Variants in ACER1 observed in about 807,000 individuals in gnomAD.
ACER1 encodes the protein CTB-180A7.3.
Under a neutral mutation model 24.9 loss-of-function variants are expected in ACER1, and 28 were observed. The ratio of observed to expected loss-of-function variants is 1.13; its 90% confidence interval spans 0.83 to 1.54. The LOEUF (loss-of-function observed/expected upper bound fraction) is 1.54. Ranked by LOEUF, ACER1 falls within the 40% of genes most tolerant of loss-of-function variation. The pLI is 0.00. For missense variants in ACER1, 352 were observed against 349.3 expected, an observed-to-expected ratio of 1.01 and a Z score of -0.06; for synonymous variants, 132 against 131.4, an observed-to-expected ratio of 1.00 and a Z score of -0.03.
intron 1 of ACER1, among the ~76,000 whole-genome samples, chr19:6,316,958 C>A (rs1265335651): frequency 6.6e-6 from 1 of 150,450 alleles, no homozygotes; most frequent in East Asian, 1.9e-4. Flanking sequence ...AAGTCTCTTT[C>A]CCTCCCCATC....
the ACER1 span, among the ~76,000 whole-genome samples, chr19:6,354,019 T>C: frequency 2.0e-5 from 3 of 151,020 alleles, no homozygotes; most frequent in African/African-American, 7.3e-5. Flanking sequence ...CCATCTCTAC[T>C]AAAAATACAA....
the ACER1 span, among the ~76,000 whole-genome samples, chr19:6,347,131 T>TATAAAA: frequency 2.2e-5 from 3 of 134,538 alleles, no homozygotes; most frequent in South Asian, 2.4e-4. Context: ...TATATATATA[T>TATAAAA]AAAATAATAA....
chr19:6,355,207 C>T, the ACER1 span, among the ~76,000 whole-genome samples: 1 of 152,042 alleles, frequency 6.6e-6, no homozygotes, highest in South Asian at 2.1e-4. Context: ...CCTTGGCCTC[C>T]CAAAGTGCCG....
the ACER1 span, among the ~76,000 whole-genome samples, chr19:6,346,997 C>A: frequency 1.3e-5 from 2 of 149,988 alleles, no homozygotes; most frequent in African/African-American, 4.9e-5. Context: ...CATGGTGACT[C>A]ACATCTATAA....
At chr19:6,316,202 G>A (rs148536015) in intron 1 of ACER1, among the ~76,000 whole-genome samples, 46 of 152,312 alleles carry the variant, frequency 3.0e-4, no homozygotes, top group Non-Finnish European at 5.1e-4. Context: ...GGGAGGCTGA[G>A]GCAGGAGAAT....
In ACER1 at chr19:6,328,875, G is replaced by A. The variant is rs369763805; in HGVS notation, c.93+4584C>T. Among the ~76,000 whole-genome samples the A allele has an allele frequency of 7.9e-5, 12 of 151,200 alleles. No individual in the cohort carries two copies. The East Asian group carries it at 1.7e-3, about 22-fold the overall frequency. Reference sequence around the variant, plus strand: ...ATTTTGATAGAGATGGGGTTTCATCGTGTTTTCCAGGCTGGTCTTGAACTC... The same window carrying A: ...ATTTTGATAGAGATGGGGTTTCATCATGTTTTCCAGGCTGGTCTTGAACTC... On this transcript the variant is annotated intron_variant, in intron 1 of 5. Coordinates refer to ENST00000301452, the MANE Select transcript of ACER1 (RefSeq NM_133492.3).
chr19:6,348,179 A>G, the ACER1 span, among the ~76,000 whole-genome samples: 1 of 151,626 alleles, frequency 6.6e-6, no homozygotes. Flanking sequence ...GATAAAGAAG[A>G]ACAGGCTGGG....
In ACER1 at chr19:6,312,166, G is replaced by A. The variant is rs931632066; in HGVS notation, c.333C>T (p.Ser111=). 8 of 1,613,626 alleles carry A rather than the reference G, an allele frequency of 5.0e-6. No homozygotes were observed. The highest frequency in any genetic ancestry group is 3.3e-5 in the Admixed American group (2 of 59,994). Residue 111 remains serine (S), a synonymous_variant, in exon 3 of 6, where the codon TCC becomes TCT. Transcript: ENST00000301452. The part of the protein sequence containing the change: ...SIWMPRCYFP[S]FLGGNRSQFI... The stretch of plus-strand genomic sequence containing the variant: ...TGACCCACCTGTTCCCCCCAAGGAA[G>A]GAGGGGAAATAGCAGCGGGGCATCC...
the ACER1 span, among the ~76,000 whole-genome samples, chr19:6,356,467 A>AT: frequency 7.0e-3 from 1,053 of 149,846 alleles, 13 homozygotes; most frequent in African/African-American, 0.024. Flanking sequence ...AGAATGATCA[A>AT]TAAAAAAATA....
At chr19:6,321,655 C>G (rs891837123) in intron 1 of ACER1, among the ~76,000 whole-genome samples, 7 of 151,918 alleles carry the variant, frequency 4.6e-5, no homozygotes, top group Admixed American at 1.3e-4. Flanking sequence ...GTTGCCCAGG[C>G]TGGGGTTCAG....
rs772814004 is a variant in ACER1 at position 6,312,309 on chromosome 19, G to T, written c.209-19C>A. On this transcript the variant is annotated intron_variant, in intron 2 of 5. Coordinates refer to ENST00000301452, the MANE Select transcript of ACER1 (RefSeq NM_133492.3). Reference sequence around the variant, plus strand: ...AACAGGCCTGCAGCGGCAAGGGCAGGCGGTCAGTGGGGTCCGCCACCTCCT... The same window carrying T: ...AACAGGCCTGCAGCGGCAAGGGCAGTCGGTCAGTGGGGTCCGCCACCTCCT... 5 of 1,613,810 alleles carry T rather than the reference G, an allele frequency of 3.1e-6. No individual in the cohort carries two copies. In the Admixed American group the frequency reaches 6.7e-5, roughly 22 times the overall value.
chr19:6,340,347 GGAAGGAAGGAAGGAAGGAAGGA>G, the ACER1 span, among the ~76,000 whole-genome samples: 1 of 138,432 alleles, frequency 7.2e-6, no homozygotes, highest in East Asian at 2.2e-4. Context: ...AAGGAAGGAA[GGAAGGAAGGAAGGAAGGAAGGA>G]AGGAAGAAAA....
chr19:6,329,963 C>G (rs114898777), intron 1 of ACER1, among the ~76,000 whole-genome samples: 1 of 150,752 alleles, frequency 6.6e-6, no homozygotes, highest in South Asian at 2.1e-4. Context: ...TTCCACCTAC[C>G]GGGTTCACAT....
chr19:6,312,282 A>C lies in ACER1; in HGVS notation c.217T>G (p.Ser73Ala). Reference protein sequence around the residue: ...WVLFMIIGLFSMYFHMTLSFL... With the variant: ...WVLFMIIGLFAMYFHMTLSFL... ...CTGAGCGTCATGTGGAAATACATGG[A>C]GAACAGGCCTGCAGCGGCAAGGGCA... Residue 73 changes from serine to alanine, a missense_variant, in exon 3 of 6, where the codon TCC becomes GCC. Physicochemically the swap from Ser to Ala is moderately conservative, Grantham distance 99. Coordinates refer to ENST00000301452, the MANE Select transcript of ACER1 (RefSeq NM_133492.3). 6.2e-7 allele frequency: 1 copy of C among 1,614,118 alleles called. No homozygotes were observed. Among genetic ancestry groups the C allele is most frequent in the Non-Finnish European group, 8.5e-7 (1 of 1,180,010 alleles).
Position 6,307,299 on chromosome 19 carries a change from G to A in ACER1, c.489-9C>T, listed in dbSNP as rs2091557215. ...GCTCCTTATTGCTGGTCCTAGAGAG[G>A]GGAGAGGGGGACCAGGGGCTGGCTC... On this transcript the variant is annotated splice_polypyrimidine_tract_variant and intron_variant, in intron 4 of 5. Transcript: ENST00000301452. 6.2e-7 allele frequency: 1 copy of A among 1,613,518 alleles called. No homozygotes were observed. The highest frequency in any genetic ancestry group is 1.3e-5 in the African/African-American group (1 of 74,874).
chr19:6,341,076 T>G, the ACER1 span, among the ~76,000 whole-genome samples: 1 of 151,892 alleles, frequency 6.6e-6, no homozygotes, highest in Non-Finnish European at 1.5e-5. Flanking sequence ...ACAGCCACAG[T>G]GCAGCCTCTT....
At chr19:6,328,721 C>T (rs976574334) in intron 1 of ACER1, among the ~76,000 whole-genome samples, 4 of 151,832 alleles carry the variant, frequency 2.6e-5, no homozygotes, top group Non-Finnish European at 4.4e-5. Flanking sequence ...GGCTGGAGTG[C>T]AGTGGCACCA....
chr19:6,314,469 CAA>C (rs760683029), intron 1 of ACER1, among the ~76,000 whole-genome samples: 6 of 90,958 alleles, frequency 6.6e-5, no homozygotes, highest in Admixed American at 2.5e-4. Flanking sequence ...GACTTCACCT[CAA>C]AAAAAAAAAA....
the ACER1 span, among the ~76,000 whole-genome samples, chr19:6,346,056 T>G: frequency 4.9e-3 from 748 of 152,196 alleles, 18 homozygotes; most frequent in Admixed American, 0.042. Flanking sequence ...GTGGGTTAAT[T>G]CCATGACTTA....
Sources: allele counts gnomAD v4.1 joint callset (sites outside exome capture counted in the v4.1 genomes callset), GRCh38; gene constraint gnomAD v4.1.1; transcripts MANE v1.5; gene names NCBI Gene and HGNC (gene_info 2026-07-23, HGNC 2026-07-21).